NRG1: variants seen among roughly 807,000 people sequenced by gnomAD.
NRG1 encodes pro-neuregulin-1, membrane-bound isoform.
In NRG1, 18 loss-of-function variants were observed where a neutral mutation model predicts 63.8. The observed-to-expected ratio is 0.28, with a 90% CI of 0.19 to 0.42. The LOEUF (loss-of-function observed/expected upper bound fraction) is 0.42. Ranked by LOEUF, NRG1 falls within the 10% of genes least tolerant of loss-of-function variation. The pLI, the probability that NRG1 is intolerant of heterozygous loss-of-function variation, is 1.00. For missense variants in NRG1, 762 were observed against 814.7 expected, an observed-to-expected ratio of 0.94 and a Z score of 0.79; for synonymous variants, 302 against 301.3, an observed-to-expected ratio of 1.00 and a Z score of -0.02.
At chr8:31,906,781 A>G (rs1832552680) in intron 1 of NRG1, among the ~76,000 whole-genome samples, 1 of 151,870 alleles carries the variant, frequency 6.6e-6, no homozygotes, top group Non-Finnish European at 1.5e-5. Context: ...TTAAAAAATC[A>G]CTCTTCAGTT....
intron 1 of NRG1, among the ~76,000 whole-genome samples, chr8:31,754,389 G>A (rs142371901): frequency 2.3e-4 from 35 of 152,066 alleles, no homozygotes; most frequent in African/African-American, 3.6e-4. Context: ...GTGATGCTTC[G>A]CCCCTCTCTC....
chr8:32,141,785 C>G (rs1836313046), intron 1 of NRG1, among the ~76,000 whole-genome samples: 1 of 151,498 alleles, frequency 6.6e-6, no homozygotes, highest in Non-Finnish European at 1.5e-5. Context: ...TTGCTCAGCT[C>G]AAGGGGTACT....
intron 1 of NRG1, among the ~76,000 whole-genome samples, chr8:32,376,190 A>T (rs1447123790): frequency 6.6e-6 from 1 of 152,236 alleles, no homozygotes; most frequent in Non-Finnish European, 1.5e-5. Context: ...GGTAAATATA[A>T]TTATTGGTGT....
At chr8:32,600,334 AC>A (rs1844118592) in intron 2 of NRG1, among the ~76,000 whole-genome samples, 2 of 151,866 alleles carry the variant, frequency 1.3e-5, no homozygotes, top group African/African-American at 4.8e-5. Flanking sequence ...GGACACACAC[AC>A]ACACACACAC....
At chr8:32,504,575 A>G (rs1055479530) in intron 1 of NRG1, among the ~76,000 whole-genome samples, 8 of 152,128 alleles carry the variant, frequency 5.3e-5, no homozygotes, top group Admixed American at 2.6e-4. Flanking sequence ...ACACACATAA[A>G]CATATAAAGA....
intron 1 of NRG1, among the ~76,000 whole-genome samples, chr8:31,855,043 A>G (rs1318584699): frequency 1.3e-5 from 2 of 152,088 alleles, no homozygotes; most frequent in Non-Finnish European, 2.9e-5. Context: ...TATGTGGTCA[A>G]TTTTGGAATA....
At chr8:32,205,728 G>A (rs145475049) in intron 1 of NRG1, among the ~76,000 whole-genome samples, 16 of 152,112 alleles carry the variant, frequency 1.1e-4, no homozygotes, top group Admixed American at 2.0e-4. Context: ...ATTGGCCTGG[G>A]AGGGTAAGCA....
chr8:32,725,897 ATGT>A (rs1822049823), intron 5 of NRG1, among the ~76,000 whole-genome samples: 1 of 152,290 alleles, frequency 6.6e-6, no homozygotes, highest in Admixed American at 6.5e-5. Context: ...ATATATAGAA[ATGT>A]TGTATACTCC....
chr8:32,171,855 G>A (rs775900344), intron 1 of NRG1, among the ~76,000 whole-genome samples: 3 of 152,104 alleles, frequency 2.0e-5, no homozygotes, highest in Admixed American at 1.3e-4. Context: ...CAGGAAGCTC[G>A]AACTGGGTGG....
intron 1 of NRG1, among the ~76,000 whole-genome samples, chr8:32,349,606 A>G (rs1586971373): frequency 6.6e-6 from 1 of 152,214 alleles, no homozygotes. Context: ...TCTAAGAAGA[A>G]TGAGAAATCC....
chr8:32,599,934 T>A (rs916379207), intron 2 of NRG1, among the ~76,000 whole-genome samples: 3 of 151,966 alleles, frequency 2.0e-5, no homozygotes, highest in African/African-American at 7.2e-5. Context: ...ACTGGTTGCT[T>A]TTTTTGACTT....
At chr8:31,850,475 T>C (rs575427216) in intron 1 of NRG1, among the ~76,000 whole-genome samples, 1 of 152,318 alleles carries the variant, frequency 6.6e-6, no homozygotes, top group Non-Finnish European at 1.5e-5. Flanking sequence ...AGAGGAACTT[T>C]GTTACATAAA....
intron 1 of NRG1, among the ~76,000 whole-genome samples, chr8:31,906,834 A>G (rs1832556435): frequency 1.3e-5 from 2 of 152,166 alleles, no homozygotes; most frequent in South Asian, 4.1e-4. Context: ...AAGTTTGTCA[A>G]GTGAAATGGA....
intron 1 of NRG1, among the ~76,000 whole-genome samples, chr8:31,877,063 G>A (rs1829982783): frequency 1.3e-5 from 2 of 152,134 alleles, no homozygotes; most frequent in Admixed American, 1.3e-4. Flanking sequence ...GAAATCTTTA[G>A]ATCTGAGAAT....
intron 1 of NRG1, among the ~76,000 whole-genome samples, chr8:32,089,076 A>T (rs1460409619): frequency 3.3e-5 from 5 of 152,044 alleles, no homozygotes; most frequent in Non-Finnish European, 5.9e-5. Flanking sequence ...ATGTGTGTGT[A>T]TGTGTGTGTT....
chr8:31,766,357 A>G (rs1182930911), intron 1 of NRG1, among the ~76,000 whole-genome samples: 1 of 152,180 alleles, frequency 6.6e-6, no homozygotes, highest in East Asian at 1.9e-4. Context: ...TCAGTCTAGT[A>G]AAAAGCCTGC....
rs1270854836 is a variant in NRG1, at chr8:32,067,423, C to T, written c.37+427992C>T. 4.6e-5 allele frequency among the ~76,000 whole-genome samples: 7 copies of T among 152,210 alleles called. 2 individuals carry two copies. In the East Asian group the frequency reaches 1.4e-3, roughly 29 times the overall value. On this transcript the variant is annotated intron_variant, in intron 1 of 10. Coordinates refer to the NRG1 transcript ENST00000519301. ...AGCGTTGTTGAAGTTTGTCAAAGGC[C>T]TTTTCTGCATCTACTGAGATAATCA...
At chr8:32,196,808 C>T (rs1459277158) in intron 1 of NRG1, among the ~76,000 whole-genome samples, 3 of 151,984 alleles carry the variant, frequency 2.0e-5, no homozygotes, top group Non-Finnish European at 4.4e-5. Flanking sequence ...TCTTAGGCTT[C>T]CTCTTATAGT....
chr8:31,855,096 G>A (rs1415861700), intron 1 of NRG1, among the ~76,000 whole-genome samples: 1 of 151,962 alleles, frequency 6.6e-6, no homozygotes, highest in South Asian at 2.1e-4. Context: ...CTGTTGATTT[G>A]GGGTGGAGAG....
Sources: gnomAD v4.1 joint callset for allele counts (sites outside exome capture counted in the v4.1 genomes callset) on GRCh38, gnomAD v4.1.1 for gene constraint, MANE v1.5 for transcripts, NCBI Gene and HGNC (gene_info 2026-07-23, HGNC 2026-07-21) for gene names.